Variants in STK32B observed in about 807,000 individuals in gnomAD.
STK32B encodes serine/threonine-protein kinase 32B.
STK32B carries 43 observed loss-of-function variants against 52.6 expected under a neutral mutation model. That is an observed-to-expected ratio of 0.82 (90% confidence interval 0.64 to 1.05). STK32B has a LOEUF of 1.05. STK32B is among the 50% of genes least tolerant of loss of function. The probability of loss-of-function intolerance (pLI) is 0.00; values close to 1 mark genes in which losing one functional copy is unlikely to be tolerated. For missense variants in STK32B, 621 were observed against 534.6 expected (o/e 1.16, Z -1.59); for synonymous variants, 238 against 204.3 (o/e 1.17, Z -1.41).
At position 5,161,740 on chromosome 4, in the gene STK32B, G is replaced by A. The variant is rs185990831; in HGVS notation, c.109-6559G>A. 2.9e-3 allele frequency among the ~76,000 whole-genome samples: 441 copies of A among 152,236 alleles called. 1 individual carries two copies. Among genetic ancestry groups the A allele is most frequent in the Non-Finnish European group, 4.9e-3 (334 of 68,016 alleles). Reference sequence around the variant, plus strand: ...TATTGGGTAGTAAAAAGCTTCATCCGCCAAACATAGTCTTCTTTCAGCGAA... The same window carrying A: ...TATTGGGTAGTAAAAAGCTTCATCCACCAAACATAGTCTTCTTTCAGCGAA... On this transcript the variant is annotated intron_variant, in intron 2 of 11. Coordinates refer to ENST00000282908, the MANE Select transcript of STK32B (RefSeq NM_018401.3).
intron 3 of STK32B, among the ~76,000 whole-genome samples, chr4:5,202,169 A>G (rs914537402): frequency 6.6e-6 from 1 of 152,230 alleles, no homozygotes; most frequent in Non-Finnish European, 1.5e-5. Flanking sequence ...CAAGTAGGAG[A>G]AAATGGCCAA....
chr4:5,303,695 C>T (rs1729731640), intron 3 of STK32B, among the ~76,000 whole-genome samples: 1 of 151,964 alleles, frequency 6.6e-6, no homozygotes, highest in Admixed American at 6.6e-5. Context: ...AATTAATTCC[C>T]ATCTATTTAT....
At chr4:5,131,420 C>T (rs191265267) in intron 1 of STK32B, among the ~76,000 whole-genome samples, 1 of 152,344 alleles carries the variant, frequency 6.6e-6, no homozygotes, top group Non-Finnish European at 1.5e-5. Flanking sequence ...TATTTCCAAA[C>T]AGCTTAAACA....
intron 5 of STK32B, among the ~76,000 whole-genome samples, chr4:5,404,011 T>C (rs1018066755): frequency 6.6e-6 from 1 of 151,648 alleles, no homozygotes. Flanking sequence ...TGAGATTCTT[T>C]CCAGCGAGCT....
intron 4 of STK32B, among the ~76,000 whole-genome samples, chr4:5,382,654 TCTGTAAGACTCTGTCTG>T (rs1736007880): frequency 6.6e-6 from 1 of 152,210 alleles, no homozygotes; most frequent in Admixed American, 6.5e-5. Flanking sequence ...TTTACTGCTT[TCTGTAAGACTCTGTCTG>T]GTATTTCTCT....
chr4:5,462,350 G>C (rs1335532620), intron 9 of STK32B, among the ~76,000 whole-genome samples: 2 of 151,926 alleles, frequency 1.3e-5, no homozygotes, highest in East Asian at 1.9e-4. Flanking sequence ...CCGTGTGCCT[G>C]TGTGTGTGCC....
chr4:5,035,849 T>G, the STK32B span, among the ~76,000 whole-genome samples: 1 of 151,830 alleles, frequency 6.6e-6, no homozygotes, highest in East Asian at 1.9e-4. Context: ...TGGCGCGATC[T>G]TGGCTCACTG....
chr4:5,317,353 TATATATAATGTATATG>T (rs1731123090), intron 3 of STK32B, among the ~76,000 whole-genome samples: 1 of 37,614 alleles, frequency 2.7e-5, no homozygotes, highest in African/African-American at 2.5e-4. Flanking sequence ...ATATATATAA[TATATATAATGTATATG>T]TATTATATAT....
chr4:5,044,978 C>T, the STK32B span, among the ~76,000 whole-genome samples: 1 of 152,176 alleles, frequency 6.6e-6, no homozygotes, highest in African/African-American at 2.4e-5. Context: ...TCCCTACCAC[C>T]CCAACCCCCA....
At position 5,462,780 on chromosome 4, in the gene STK32B, G is replaced by A. The variant is rs201378133; in HGVS notation, c.909+2552G>A. The stretch of plus-strand genomic sequence containing the variant: ...CCGGGACTGTACTCATGAGATGCCA[G>A]TAGCATCCCCTCTGTTGTGCAAACA... On this transcript the variant is annotated intron_variant, in intron 9 of 11. Coordinates refer to ENST00000282908, the MANE Select transcript of STK32B (RefSeq NM_018401.3). Among the ~76,000 whole-genome samples the A allele has an allele frequency of 2.2e-4, 33 of 152,318 alleles. No homozygotes were observed. The East Asian group carries it at 5.8e-3, about 27-fold the overall frequency.
At chr4:5,268,882 G>A (rs890628909) in intron 3 of STK32B, among the ~76,000 whole-genome samples, 3 of 152,076 alleles carry the variant, frequency 2.0e-5, no homozygotes, top group African/African-American at 7.2e-5. Context: ...CAATAGTTTG[G>A]AAGAAACTGG....
chr4:5,030,722 T>C, the STK32B span, among the ~76,000 whole-genome samples: 1 of 152,164 alleles, frequency 6.6e-6, no homozygotes, highest in African/African-American at 2.4e-5. Context: ...GACAGCTAGG[T>C]TCAATCTGTG....
intron 1 of STK32B, among the ~76,000 whole-genome samples, chr4:5,104,723 A>C (rs1208317565): frequency 6.6e-6 from 1 of 152,192 alleles, no homozygotes; most frequent in African/African-American, 2.4e-5. Flanking sequence ...AAATTGTAAC[A>C]CGACTGCTTA....
At chr4:5,306,682 C>T (rs1729947650) in intron 3 of STK32B, among the ~76,000 whole-genome samples, 1 of 152,066 alleles carries the variant, frequency 6.6e-6, no homozygotes. Flanking sequence ...ATTCATTGTG[C>T]TGTTTGTTGC....
intron 3 of STK32B, among the ~76,000 whole-genome samples, chr4:5,317,216 T>TATATATATTATATATATAAC (rs1731062038): frequency 3.6e-5 from 2 of 55,640 alleles, no homozygotes; most frequent in Admixed American, 3.1e-4. Context: ...ATATATAACA[T>TATATATATTATATATATAAC]ATATATATTA....
At chr4:5,466,010 G>T (rs929478478) in intron 9 of STK32B, among the ~76,000 whole-genome samples, 8 of 152,366 alleles carry the variant, frequency 5.3e-5, no homozygotes, top group East Asian at 1.9e-4. Flanking sequence ...GCAGAACTGG[G>T]ATTTTTCCCC....
chr4:5,216,124 C>G (rs949090639), intron 3 of STK32B, among the ~76,000 whole-genome samples: 4 of 152,278 alleles, frequency 2.6e-5, no homozygotes, highest in Middle Eastern at 3.4e-3. Context: ...TGAGAATCAC[C>G]TGGAATGCTT....
At position 5,252,349 on chromosome 4, in the gene STK32B, G is replaced by A. The variant is rs140869076; in HGVS notation, c.261-78871G>A. ...ATAAGAACATTGTGAGATCAATTTC[G>A]GTGTTCCTGTTTTACAGGAAAATAA... On this transcript the variant is annotated intron_variant, in intron 3 of 11. Transcript: ENST00000282908. Among the ~76,000 whole-genome samples, 281 of 152,238 alleles carry A rather than the reference G, an allele frequency of 1.8e-3. 2 individuals are homozygous for A. Among genetic ancestry groups the A allele is most frequent in the African/African-American group, 6.4e-3 (267 of 41,534 alleles).
At chr4:5,213,263 A>T (rs1024849969) in intron 3 of STK32B, among the ~76,000 whole-genome samples, 1 of 152,024 alleles carries the variant, frequency 6.6e-6, no homozygotes, top group African/African-American at 2.4e-5. Context: ...GCTGCCATCA[A>T]TCCTGTCCTG....
Sources: gnomAD v4.1 joint callset for allele counts (sites outside exome capture counted in the v4.1 genomes callset) on GRCh38, gnomAD v4.1.1 for gene constraint, MANE v1.5 for transcripts, NCBI Gene and HGNC (gene_info 2026-07-23, HGNC 2026-07-21) for gene names.